The following NIPAL3 variants were observed in gnomAD, a reference collection of about 807,000 sequenced individuals.
NIPAL3 encodes NIPA like domain containing 3.
Under a neutral mutation model 47.2 loss-of-function variants are expected in NIPAL3, and 41 were observed. The ratio of observed to expected loss-of-function variants is 0.87; its 90% CI spans 0.68 to 1.13. NIPAL3 has a LOEUF of 1.13. NIPAL3 is among the 50% of genes most tolerant of loss of function. The pLI is 0.00. For missense variants in NIPAL3, 449 were observed against 530.1 expected, an observed-to-expected ratio of 0.85 and a Z score of 1.50; for synonymous variants, 194 against 209.6, an observed-to-expected ratio of 0.93 and a Z score of 0.64.
chr1:24,442,115 A>T lies in NIPAL3; in HGVS notation c.223A>T (p.Thr75Ser). The T allele has an allele frequency of 1.9e-6, 3 of 1,614,178 alleles. No homozygotes were observed. Among genetic ancestry groups the T allele is most frequent in the Non-Finnish European group, 2.5e-6 (3 of 1,180,026 alleles). The change falls in exon 4 of 12, where the codon ACA (threonine) becomes TCA (serine). Residue 75 changes from threonine (T) to serine (S), a missense_variant. By Grantham distance (58) the Thr-to-Ser change is moderately conservative. Transcript: ENST00000374399. The stretch of plus-strand genomic sequence containing the variant: ...TCCCCGGGCCTATTTCAAGACCAAG[A>T]CATGGTGGCTGGGCCTGTTCCTGAT... ...KDPRAYFKTK[T>S]WWLGLFLMLL...
Position 24,454,305 on chromosome 1 carries a change from C to A in NIPAL3, c.637+801C>A, listed in dbSNP as rs1646090633. The A allele has an allele frequency of 1.7e-6, 2 of 1,148,850 alleles. No homozygotes were observed. The highest frequency in any genetic ancestry group is 1.7e-5 in the African/African-American group (1 of 60,586). The allele number at this position is 1,148,850 out of a possible 1,614,324, so 71.2% of individuals were successfully genotyped here. A position where few individuals can be genotyped will look rare whatever the true frequency, so the allele number is the denominator to read the frequency against. On this transcript the variant is annotated intron_variant, in intron 7 of 11. Transcript: ENST00000374399. This position sits in a 1 kb window ranked among gnomAD's most constrained non-coding sequence, Gnocchi z 4.1. ...GTGTCAGGGCTGGTGAAGCCTGCTACCGCGCTGCTCTTGAGTGGCCTCAGG... is the reference window on the plus strand; with the variant it reads ...GTGTCAGGGCTGGTGAAGCCTGCTAACGCGCTGCTCTTGAGTGGCCTCAGG...
chr1:24,468,081 G>A (rs764630812), intron 11 of NIPAL3, among the ~76,000 whole-genome samples: 1 of 152,074 alleles, frequency 6.6e-6, no homozygotes, highest in African/African-American at 2.4e-5. Context: ...TGGGGCAGGT[G>A]GATCAATTCA....
intron 6 of NIPAL3, among the ~76,000 whole-genome samples, chr1:24,450,087 A>G (rs138750693): frequency 0.015 from 2,228 of 152,300 alleles, 22 homozygotes; most frequent in Non-Finnish European, 0.023. Context: ...ACTGTACACA[A>G]TGAGAACGAA....
At chr1:24,426,082 A>G (rs1644572286) in intron 2 of NIPAL3, among the ~76,000 whole-genome samples, 2 of 152,194 alleles carry the variant, frequency 1.3e-5, no homozygotes, top group South Asian at 4.1e-4. Flanking sequence ...TTTACCTGTG[A>G]CGAAACTGGC....
chr1:24,435,971 G>GCACTTC (rs1446200386), intron 2 of NIPAL3, among the ~76,000 whole-genome samples: 1 of 152,184 alleles, frequency 6.6e-6, no homozygotes, highest in Non-Finnish European at 1.5e-5. Context: ...ACCTCAGACG[G>GCACTTC]CACTTCCTCT....
At chr1:24,435,011 A>G (rs1414280671) in intron 2 of NIPAL3, among the ~76,000 whole-genome samples, 1 of 152,240 alleles carries the variant, frequency 6.6e-6, no homozygotes, top group Non-Finnish European at 1.5e-5. Flanking sequence ...AAAACTTACT[A>G]CAAAACTATA....
In NIPAL3 at chr1:24,470,143, T is replaced by A. The variant is rs978882044; in HGVS notation, c.*958T>A. On this transcript the variant is annotated 3_prime_UTR_variant, in exon 12 of 12. Transcript: ENST00000374399. ...CCACAAGCCAAGCTTGAGTTACTGG[T>A]TAATTTCCTTGAAGTCAATAGAGAC... 6.6e-6 allele frequency: 1 copy of A among 152,214 alleles called. No individual in the cohort carries two copies. The highest frequency in any genetic ancestry group is 2.4e-5 in the African/African-American group (1 of 41,450). 9.4% of individuals were successfully genotyped at this position (152,214 alleles called of 1,614,324 possible).
At position 24,441,923 on chromosome 1, in the gene NIPAL3, G is replaced by A. The variant is rs1404341049; in HGVS notation, c.163-132G>A. ...TCCCCACTGTCTTACTCTTCTCTGAGTCAGGACTCCACAAGAACCTGACAA... is the reference window on the plus strand; with the variant it reads ...TCCCCACTGTCTTACTCTTCTCTGAATCAGGACTCCACAAGAACCTGACAA... On this transcript the variant is annotated intron_variant, in intron 3 of 11. Coordinates refer to ENST00000374399, the MANE Select transcript of NIPAL3 (RefSeq NM_020448.5). 31 of 825,506 alleles carry A rather than the reference G, an allele frequency of 3.8e-5. 1 individual carries two copies. In the South Asian group the frequency reaches 4.9e-4, roughly 13 times the overall value. 51.1% of individuals were successfully genotyped at this position (825,506 alleles called of 1,614,324 possible). A position where few individuals can be genotyped will look rare whatever the true frequency, so the allele number is the denominator to read the frequency against.
intron 2 of NIPAL3, chr1:24,420,099 A>G (rs1260541922): frequency 6.5e-6 from 1 of 153,556 alleles, no homozygotes; most frequent in Non-Finnish European, 1.4e-5. Flanking sequence ...AAAAAAAAAA[A>G]AAAGAGATGC....
Position 24,454,526 on chromosome 1 carries a change from G to A in NIPAL3, c.637+1022G>A, listed in dbSNP as rs1476413308. 34 of 989,310 alleles carry A rather than the reference G, an allele frequency of 3.4e-5. No homozygotes were observed. The highest frequency in any genetic ancestry group is 1.4e-4 in the South Asian group (3 of 21,726). The allele number at this position is 989,310 out of a possible 1,614,324, so 61.3% of individuals were successfully genotyped here. A position where few individuals can be genotyped will look rare whatever the true frequency, so the allele number is the denominator to read the frequency against. ...ATCAACCAAATAGATACCTGTCACC[G>A]AAGACAGGGTTTCCTTAATTTTTTA... On this transcript the variant is annotated intron_variant, in intron 7 of 11. Coordinates refer to ENST00000374399, the MANE Select transcript of NIPAL3 (RefSeq NM_020448.5). This position sits in a 1 kb window ranked among gnomAD's most constrained non-coding sequence, Gnocchi z 4.1.
intron 2 of NIPAL3, among the ~76,000 whole-genome samples, chr1:24,426,226 C>T (rs1046418411): frequency 5.3e-5 from 8 of 152,052 alleles, no homozygotes; most frequent in South Asian, 2.1e-4. Flanking sequence ...GTAGAGTGAC[C>T]GTGGTCCCGG....
intron 10 of NIPAL3, among the ~76,000 whole-genome samples, chr1:24,463,386 GA>G: frequency 6.6e-6 from 1 of 152,290 alleles, no homozygotes; most frequent in Non-Finnish European, 1.5e-5. Context: ...AGGGGCCCAG[GA>G]AAACTTTCTG....
At chr1:24,419,700 C>T (rs1401867393) in intron 2 of NIPAL3, 60 bp downstream of exon 2, 1 of 1,458,714 alleles carries the variant, frequency 6.9e-7, no homozygotes, top group East Asian at 2.4e-5. Flanking sequence ...TTACACAGTG[C>T]TCTGCATTGG....
At position 24,469,561 on chromosome 1, in the gene NIPAL3, A is replaced by C. The variant is rs957944144; in HGVS notation, c.*376A>C. ...ACAGAGAGTCTGCTGTTAATTCTCAAATCCAGCGAAAGGCTGGACATCTCT... is the reference window on the plus strand; with the variant it reads ...ACAGAGAGTCTGCTGTTAATTCTCACATCCAGCGAAAGGCTGGACATCTCT... On this transcript the variant is annotated 3_prime_UTR_variant, in exon 12 of 12. Coordinates refer to ENST00000374399, the MANE Select transcript of NIPAL3 (RefSeq NM_020448.5). 3 of 180,124 alleles carry C rather than the reference A, an allele frequency of 1.7e-5. No individual in the cohort carries two copies. The highest frequency in any genetic ancestry group is 2.4e-5 in the Non-Finnish European group (2 of 84,694). 11.2% of individuals were successfully genotyped at this position (180,124 alleles called of 1,614,324 possible). A position where few individuals can be genotyped will look rare whatever the true frequency, so the allele number is the denominator to read the frequency against.
rs1646886566 is a variant in NIPAL3, at chr1:24,471,101, G to T, written c.*1916G>T. 2 of 152,288 alleles carry T rather than the reference G, an allele frequency of 1.3e-5. No homozygotes were observed. The highest frequency in any genetic ancestry group is 4.1e-4 in the South Asian group (2 of 4,836). The allele number at this position is 152,288 out of a possible 1,614,324, so 9.4% of individuals were successfully genotyped here. A position where few individuals can be genotyped will look rare whatever the true frequency, so the allele number is the denominator to read the frequency against. On this transcript the variant is annotated 3_prime_UTR_variant, in exon 12 of 12. Transcript: ENST00000374399. ...CCTGAGCCCAAAGGGGTATTCAGAAGTGGAGATGATTTTGGCCCCACTCAT... is the reference window on the plus strand; with the variant it reads ...CCTGAGCCCAAAGGGGTATTCAGAATTGGAGATGATTTTGGCCCCACTCAT...
chr1:24,443,575 C>T (rs1645502738), intron 4 of NIPAL3, among the ~76,000 whole-genome samples: 1 of 152,200 alleles, frequency 6.6e-6, no homozygotes, highest in African/African-American at 2.4e-5. Context: ...GTGCTTCCAA[C>T]AGTCACTACC....
intron 9 of NIPAL3, among the ~76,000 whole-genome samples, chr1:24,459,944 C>T (rs6424097): frequency 6.6e-6 from 1 of 152,046 alleles, no homozygotes; most frequent in Non-Finnish European, 1.5e-5. Context: ...TCAGGGCAGG[C>T]GCAGTAGGCC....
At chr1:24,461,450 G>C (rs1287717480) in intron 10 of NIPAL3, among the ~76,000 whole-genome samples, 3 of 151,242 alleles carry the variant, frequency 2.0e-5, no homozygotes, top group Non-Finnish European at 4.4e-5. Context: ...GCTGAGGCAG[G>C]AGAATCACTT....
chr1:24,428,300 G>GAGAGAGAC (rs1404130632), intron 2 of NIPAL3, among the ~76,000 whole-genome samples: 7 of 139,660 alleles, frequency 5.0e-5, no homozygotes, highest in South Asian at 2.4e-4. Flanking sequence ...GAGAGAGAGA[G>GAGAGAGAC]AGACACCAGA....
Sources: gnomAD v4.1 joint callset for allele counts (sites outside exome capture counted in the v4.1 genomes callset) on GRCh38, gnomAD v4.1.1 for gene constraint, Gnocchi (gnomAD v3.1) non-coding constraint, MANE v1.5 for transcripts, NCBI Gene and HGNC (gene_info 2026-07-23, HGNC 2026-07-21) for gene names.